RBMS3: variants seen among roughly 807,000 people sequenced by gnomAD.
RBMS3 encodes the protein RNA binding motif single stranded interacting protein 3.
A neutral mutation model predicts 66.8 loss-of-function variants in RBMS3; 27 were observed. The ratio of observed to expected loss-of-function variants is 0.40; its 90% CI spans 0.30 to 0.56. The LOEUF (loss-of-function observed/expected upper bound fraction) is 0.56. Among genes scored for constraint, RBMS3 ranks in the 20% least tolerant of loss-of-function variants. The pLI, the probability that RBMS3 is intolerant of heterozygous loss-of-function variation, is 0.40. For missense variants in RBMS3, 513 were observed against 549.5 expected (o/e 0.93, Z 0.66); for synonymous variants, 188 against 183.0 (o/e 1.03, Z -0.22).
chr3:29,695,396 T>C (rs2052220991), intron 4 of RBMS3, among the ~76,000 whole-genome samples: 1 of 152,198 alleles, frequency 6.6e-6, no homozygotes, highest in Non-Finnish European at 1.5e-5. Context: ...TCCACAAATG[T>C]AAGCTCACTG....
At chr3:29,935,983 A>C in intron 10 of RBMS3, 103 bp from the exon 11 acceptor site, 1 of 967,044 alleles carries the variant, frequency 1.0e-6, no homozygotes, top group Non-Finnish European at 1.5e-6. Flanking sequence ...TAAAAAAGTA[A>C]AAACATTTGA....
chr3:29,802,951 G>T lies in RBMS3; in HGVS notation c.637+39962G>T, dbSNP rs189070250. On this transcript the variant is annotated intron_variant, in intron 6 of 14. Coordinates refer to ENST00000383767, the MANE Select transcript of RBMS3 (RefSeq NM_001003793.3). ...CTAAAAACACAGACTCTTGATCGAG[G>T]TGAGGGAGTTGGAAGAGGCAGGACA... Among the ~76,000 whole-genome samples the T allele has an allele frequency of 2.0e-5, 3 of 152,270 alleles. No homozygotes were observed. The South Asian group carries it at 6.2e-4, about 32-fold the overall frequency.
chr3:29,933,909 A>G (rs1371758047), intron 10 of RBMS3: 1 of 152,158 alleles, frequency 6.6e-6, no homozygotes, highest in Non-Finnish European at 1.5e-5. Context: ...GAAAGAGACC[A>G]GACAATTCTT....
In RBMS3 at chr3:29,361,030, G is replaced by T. The variant is rs1042764390; in HGVS notation, c.76-73713G>T. ...TGACAGTCTGTGTCTTTTAATTGGA[G>T]CACTTAGCCCATTTCCATTTAAGGT... On this transcript the variant is annotated intron_variant, in intron 1 of 14. Coordinates refer to ENST00000383767, the MANE Select transcript of RBMS3 (RefSeq NM_001003793.3). Among the ~76,000 whole-genome samples the T allele has an allele frequency of 7.1e-4, 108 of 151,968 alleles. 1 individual carries two copies. The highest frequency in any genetic ancestry group is 2.5e-3 in the African/African-American group (105 of 41,264).
intron 4 of RBMS3, chr3:29,698,090 C>G (rs2052364103): frequency 1.9e-6 from 1 of 523,550 alleles, no homozygotes; most frequent in Non-Finnish European, 2.4e-6. Context: ...ATACTTGGTG[C>G]TTCATTTTAT....
At chr3:29,584,053 C>T (rs1200414275) in intron 3 of RBMS3, among the ~76,000 whole-genome samples, 4 of 152,150 alleles carry the variant, frequency 2.6e-5, no homozygotes, top group Non-Finnish European at 5.9e-5. Context: ...AAATCCTCCT[C>T]CTCATCTTGC....
intron 3 of RBMS3, among the ~76,000 whole-genome samples, chr3:29,531,053 G>C (rs564569422): frequency 9.9e-5 from 15 of 152,164 alleles, no homozygotes; most frequent in African/African-American, 3.6e-4. Context: ...TTTGTTAAAT[G>C]TGAGAGTTTA....
chr3:29,880,224 A>C (rs1046552316), intron 7 of RBMS3, among the ~76,000 whole-genome samples: 1 of 152,184 alleles, frequency 6.6e-6, no homozygotes, highest in Non-Finnish European at 1.5e-5. Context: ...GAAAAATGAC[A>C]AAAATACCCC....
At chr3:29,672,620 A>T (rs944040337) in intron 4 of RBMS3, among the ~76,000 whole-genome samples, 1 of 152,222 alleles carries the variant, frequency 6.6e-6, no homozygotes. Context: ...AAACAAAAAA[A>T]AGCAGGGGTT....
intron 4 of RBMS3, among the ~76,000 whole-genome samples, chr3:29,671,972 G>C (rs1302048079): frequency 6.6e-6 from 1 of 152,092 alleles, no homozygotes; most frequent in Non-Finnish European, 1.5e-5. Flanking sequence ...GCAACCCCTA[G>C]ACACATAATT....
rs184398193 is a variant in RBMS3 at position 29,667,101 on chromosome 3, A to G, written c.400-72619A>G. Among the ~76,000 whole-genome samples the G allele has an allele frequency of 6.8e-4, 103 of 152,332 alleles. 1 individual carries two copies. The highest frequency in any genetic ancestry group is 1.1e-3 in the Non-Finnish European group (76 of 68,024). On this transcript the variant is annotated intron_variant, in intron 4 of 14. Coordinates refer to ENST00000383767, the MANE Select transcript of RBMS3 (RefSeq NM_001003793.3). ...TCCCTGCTGCAAAAATATCTGGGAA[A>G]TAATGTTCTTGCCCTCCTTTCCCCA...
chr3:29,430,778 C>CTATGCAATGGGAAAAACGGCTT (rs6147748), intron 1 of RBMS3, among the ~76,000 whole-genome samples: 2 of 151,762 alleles, frequency 1.3e-5, no homozygotes, highest in Non-Finnish European at 2.9e-5. Flanking sequence ...GTTTTAAAGG[C>CTATGCAATGGGAAAAACGGCTT]TAAACAAAGT....
intron 3 of RBMS3, among the ~76,000 whole-genome samples, chr3:29,566,403 G>A (rs773364097): frequency 3.3e-5 from 5 of 152,134 alleles, no homozygotes; most frequent in South Asian, 4.2e-4. Flanking sequence ...TAGAAGAGTA[G>A]CATGCAAATT....
chr3:29,676,486 A>C (rs1158039922), intron 4 of RBMS3, among the ~76,000 whole-genome samples: 1 of 152,334 alleles, frequency 6.6e-6, no homozygotes, highest in Middle Eastern at 3.4e-3. Context: ...CCTCTCTTCC[A>C]GTTTCCAAAT....
At chr3:29,359,701 C>T (rs747958736) in intron 1 of RBMS3, among the ~76,000 whole-genome samples, 1 of 151,958 alleles carries the variant, frequency 6.6e-6, no homozygotes, top group African/African-American at 2.4e-5. Flanking sequence ...TGGTAAGCTA[C>T]TAATTATTGC....
chr3:29,722,605 G>T (rs1243340302), intron 4 of RBMS3, among the ~76,000 whole-genome samples: 1 of 152,104 alleles, frequency 6.6e-6, no homozygotes, highest in Non-Finnish European at 1.5e-5. Flanking sequence ...TCAAATGTTA[G>T]ATTCGTAAGT....
chr3:29,812,494 C>T (rs902758218), intron 6 of RBMS3, among the ~76,000 whole-genome samples: 3 of 152,196 alleles, frequency 2.0e-5, no homozygotes, highest in Non-Finnish European at 4.4e-5. Flanking sequence ...TAAGATCTAA[C>T]TTGCTCTGCC....
chr3:29,945,465 T>C (rs943137066), intron 12 of RBMS3, among the ~76,000 whole-genome samples: 26 of 151,698 alleles, frequency 1.7e-4, no homozygotes, highest in African/African-American at 6.3e-4. Flanking sequence ...CTACAATAAA[T>C]TGCCACTACT....
chr3:29,957,587 A>G (rs952566864), intron 12 of RBMS3, among the ~76,000 whole-genome samples: 2 of 152,178 alleles, frequency 1.3e-5, no homozygotes, highest in African/African-American at 4.8e-5. Context: ...TTGGAAAATG[A>G]TGCTTATATG....
Sources: gnomAD v4.1 joint callset for allele counts (sites outside exome capture counted in the v4.1 genomes callset) on GRCh38, gnomAD v4.1.1 for gene constraint, MANE v1.5 for transcripts, NCBI Gene and HGNC (gene_info 2026-07-23, HGNC 2026-07-21) for gene names.